MID1: variants seen among roughly 807,000 people sequenced by gnomAD.
The protein encoded by MID1 is E3 ubiquitin-protein ligase Midline-1.
In MID1, 7 loss-of-function variants were observed where a neutral mutation model predicts 40.4. The observed-to-expected ratio is 0.17, with a 90% CI of 0.10 to 0.33. MID1 has a LOEUF of 0.33. Among genes scored for constraint, MID1 ranks in the 10% least tolerant of loss-of-function variants. The pLI is 1.00. For missense variants in MID1, 367 were observed against 558.5 expected, an observed-to-expected ratio of 0.66 and a Z score of 3.46; for synonymous variants, 229 against 221.2, an observed-to-expected ratio of 1.04 and a Z score of -0.31.
intron 1 of MID1, among the ~76,000 whole-genome samples, chrX:10,741,829 G>A (rs974551028): frequency 8.1e-5 from 9 of 111,456 alleles, no homozygotes; most frequent in Non-Finnish European, 1.5e-4. Flanking sequence ...ATTACTTTAT[G>A]AATAAATGAT....
At chrX:10,585,124 C>T (rs960580921) in intron 1 of MID1, among the ~76,000 whole-genome samples, 2 of 111,326 alleles carry the variant, frequency 1.8e-5, no homozygotes, top group African/African-American at 6.5e-5. Context: ...AACTACCAGG[C>T]TTGGGTCAGG....
chrX:10,755,152 A>G (rs759728008), intron 1 of MID1, among the ~76,000 whole-genome samples: 2 of 112,151 alleles, frequency 1.8e-5, no homozygotes, highest in African/African-American at 6.5e-5. Context: ...TTGATGATTT[A>G]AACAGAGATG....
chrX:10,458,793 G>A (rs1171231356), intron 8 of MID1, among the ~76,000 whole-genome samples: 1 of 111,524 alleles, frequency 9.0e-6, no homozygotes, highest in Non-Finnish European at 1.9e-5. Flanking sequence ...TAGGTTAAAT[G>A]AGGGTTCCCC....
chrX:10,796,853 C>T (rs963731026), intron 1 of MID1, among the ~76,000 whole-genome samples: 1 of 111,127 alleles, frequency 9.0e-6, no homozygotes, highest in South Asian at 3.9e-4. Flanking sequence ...ATGAATTCAA[C>T]AATTGCTTGG....
At chrX:10,699,202 G>T (rs907564097) in intron 1 of MID1, among the ~76,000 whole-genome samples, 8 of 111,479 alleles carry the variant, frequency 7.2e-5, no homozygotes, top group Non-Finnish European at 1.5e-4. Context: ...AGAGGTTAGA[G>T]GAAAAATGAT....
intron 1 of MID1, among the ~76,000 whole-genome samples, chrX:10,695,042 C>G (rs1429811727): frequency 8.9e-6 from 1 of 112,105 alleles, no homozygotes; most frequent in Non-Finnish European, 1.9e-5. Context: ...TAAATGATTA[C>G]CAGCCATTAT....
intron 2 of MID1, among the ~76,000 whole-genome samples, chrX:10,550,349 G>A (rs1933858774): frequency 8.9e-6 from 1 of 112,164 alleles, no homozygotes; most frequent in Non-Finnish European, 1.9e-5. Flanking sequence ...ATCATGTTTT[G>A]GGAAGGGATT....
At chrX:10,731,752 A>T (rs1001018057) in intron 1 of MID1, among the ~76,000 whole-genome samples, 1 of 110,281 alleles carries the variant, frequency 9.1e-6, no homozygotes, top group Admixed American at 9.7e-5. Context: ...TGAGGTCAGG[A>T]GTTCACAACC....
intron 3 of MID1, among the ~76,000 whole-genome samples, chrX:10,518,809 A>C (rs756226948): frequency 3.6e-5 from 4 of 112,167 alleles, no homozygotes; most frequent in African/African-American, 1.3e-4. Context: ...TTTATACAAA[A>C]ACAACAGAGA....
intron 1 of MID1, among the ~76,000 whole-genome samples, chrX:10,704,731 T>TAC (rs1386328577): frequency 3.2e-4 from 26 of 82,086 alleles, no homozygotes; most frequent in Middle Eastern, 5.7e-3. Context: ...TATATATATA[T>TAC]ATATATATAC....
At chrX:10,629,748 T>A (rs1936032068) in intron 1 of MID1, among the ~76,000 whole-genome samples, 1 of 112,488 alleles carries the variant, frequency 8.9e-6, no homozygotes, top group South Asian at 3.7e-4. Flanking sequence ...AATACGTTTG[T>A]GTGATTCATT....
rs748027272 is a variant in MID1 at position 10,451,028 on chromosome X, T to C, written c.1656-1312A>G. On this transcript the variant is annotated intron_variant, in intron 9 of 9. Transcript: ENST00000317552. ...TTCTTTAAAAAAAATCACACTGGAC[T>C]TAAAATACAATCACTTTAAGAGTGG... Among the ~76,000 whole-genome samples the C allele has an allele frequency of 3.6e-5, 4 of 112,079 alleles. No homozygotes were observed. The South Asian group carries it at 1.5e-3, about 42-fold the overall frequency.
At chrX:10,537,327 A>C (rs1036793936) in intron 2 of MID1, among the ~76,000 whole-genome samples, 9 of 112,171 alleles carry the variant, frequency 8.0e-5, no homozygotes, top group Non-Finnish European at 1.1e-4. Context: ...AAAATTCAAA[A>C]TTCAGCTTGA....
intron 3 of MID1, among the ~76,000 whole-genome samples, chrX:10,498,443 G>A (rs1260963681): frequency 1.8e-5 from 2 of 111,833 alleles, no homozygotes; most frequent in African/African-American, 6.5e-5. Context: ...CTGCCTTATT[G>A]GAATATATTT....
chrX:10,622,879 T>C (rs1445455141), upstream of MID1, among the ~76,000 whole-genome samples: 1 of 110,662 alleles, frequency 9.0e-6, no homozygotes, highest in Non-Finnish European at 1.9e-5. Context: ...CAAATGGAAA[T>C]GTTTAAAATT....
chrX:10,626,960 A>G (rs1403144383), intron 1 of MID1, among the ~76,000 whole-genome samples: 13 of 111,682 alleles, frequency 1.2e-4, no homozygotes. Context: ...CAGTAAAGGC[A>G]CATTATGGGA....
chrX:10,790,983 T>C (rs977883968), intron 1 of MID1, among the ~76,000 whole-genome samples: 2 of 112,670 alleles, frequency 1.8e-5, no homozygotes, highest in African/African-American at 6.5e-5. Context: ...GTTTTGCTAA[T>C]GACAGTTGAA....
At chrX:10,499,736 C>T (rs781729839) in intron 3 of MID1, among the ~76,000 whole-genome samples, 8 of 112,074 alleles carry the variant, frequency 7.1e-5, no homozygotes, top group Non-Finnish European at 1.5e-4. Context: ...AATCAATTGA[C>T]CACATTGTGA....
intron 1 of MID1, among the ~76,000 whole-genome samples, chrX:10,711,976 C>T (rs2043271194): frequency 1.8e-5 from 2 of 112,054 alleles, no homozygotes; most frequent in Admixed American, 1.9e-4. Flanking sequence ...GGACAGCCTC[C>T]CACACTAAAG....
Sources: gnomAD v4.1 joint callset for allele counts (sites outside exome capture counted in the v4.1 genomes callset) on GRCh38, gnomAD v4.1.1 for gene constraint, MANE v1.5 for transcripts, NCBI Gene and HGNC (gene_info 2026-07-23, HGNC 2026-07-21) for gene names.